TTC4: variants seen among roughly 807,000 people sequenced by gnomAD.
The protein encoded by TTC4 is tetratricopeptide repeat domain 4, also known as hsp70/Hsp90 co-chaperone CNS1 homolog.
Under a neutral mutation model 51.9 loss-of-function variants are expected in TTC4, and 36 were observed. That is an observed-to-expected ratio of 0.69 (90% CI 0.53 to 0.92). TTC4 has a LOEUF of 0.92. TTC4 is among the 40% of genes least tolerant of loss of function. The pLI is 0.00. For synonymous variants in TTC4, 144 were observed against 164.2 expected, an observed-to-expected ratio of 0.88 and a Z score of 0.94; for missense variants, 399 against 454.6, an observed-to-expected ratio of 0.88 and a Z score of 1.11.
chr1:54,740,521 G>A (rs1231764034), intron 9 of TTC4, among the ~76,000 whole-genome samples: 1 of 152,170 alleles, frequency 6.6e-6, no homozygotes, highest in Non-Finnish European at 1.5e-5. Flanking sequence ...CTACCCCAGA[G>A]GAGAAATCTA....
At chr1:54,725,452 CTA>C (rs1259285172) in intron 5 of TTC4, among the ~76,000 whole-genome samples, 1 of 152,150 alleles carries the variant, frequency 6.6e-6, no homozygotes, top group Non-Finnish European at 1.5e-5. Flanking sequence ...GTGCCCAGGG[CTA>C]TACATGTGCT....
chr1:54,727,493 C>T (rs1381180071), intron 5 of TTC4, among the ~76,000 whole-genome samples: 1 of 151,732 alleles, frequency 6.6e-6, no homozygotes, highest in African/African-American at 2.4e-5. Context: ...TGCACTTCAT[C>T]AAAAGTAAAA....
chr1:54,739,249 C>T (rs944307859), intron 9 of TTC4, among the ~76,000 whole-genome samples: 1 of 152,002 alleles, frequency 6.6e-6, no homozygotes, highest in African/African-American at 2.4e-5. Flanking sequence ...TGGGTTCAAG[C>T]AGTCCTCCTG....
chr1:54,731,779 T>C (rs1414266806), intron 7 of TTC4, 79 bp downstream of exon 7: 2 of 1,413,514 alleles, frequency 1.4e-6, no homozygotes, highest in Non-Finnish European at 1.9e-6. Context: ...GAGTGGATTT[T>C]TGGTTGAGAA....
intron 8 of TTC4, among the ~76,000 whole-genome samples, chr1:54,736,270 G>A (rs1185501885): frequency 0.043 from 4,839 of 113,506 alleles, 638 homozygotes; most frequent in African/African-American, 0.11. Context: ...GAGAGAGAGA[G>A]ACCATGAAGT....
At chr1:54,716,558 T>C (rs1440606663) in intron 1 of TTC4, 42 bp from the exon 2 acceptor site, 1 of 1,508,710 alleles carries the variant, frequency 6.6e-7, no homozygotes, top group Non-Finnish European at 9.1e-7. Flanking sequence ...ATCTGCTCAG[T>C]AGAAAAGCTT....
At chr1:54,732,458 A>G (rs1425969531) in intron 7 of TTC4, among the ~76,000 whole-genome samples, 1 of 148,880 alleles carries the variant, frequency 6.7e-6, no homozygotes, top group Non-Finnish European at 1.5e-5. Context: ...GTTTTTTTGT[A>G]ATTTTTTTTT....
intron 3 of TTC4, among the ~76,000 whole-genome samples, chr1:54,718,747 G>T (rs1645706387): frequency 6.6e-6 from 1 of 152,006 alleles, no homozygotes; most frequent in Non-Finnish European, 1.5e-5. Context: ...AGTATTGCTG[G>T]TGACTAGTCT....
Position 54,736,175 on chromosome 1 carries a change from GGAGAGAGAGAGAGAGAGAGA to G in TTC4, c.979-1378_979-1359del, listed in dbSNP as rs11292044. Among the ~76,000 whole-genome samples the G allele has an allele frequency of 2.7e-3, 275 of 100,722 alleles. 7 individuals are homozygous for G. Among genetic ancestry groups the G allele is most frequent in the East Asian group, 0.013 (49 of 3,804 alleles). 66.1% of individuals were successfully genotyped at this position (100,722 alleles called of 152,430 possible). On this transcript the variant is annotated intron_variant, in intron 8 of 9. Coordinates refer to ENST00000371281, the MANE Select transcript of TTC4 (RefSeq NM_004623.5). ...GGAGAAAGAGAGAGAAAGAAAGAAAGGAGAGAGAGAGAGAGAGAGAGAGAGAGAGAGAGAGAGAGAGAGAG... is the reference window on the plus strand; with the variant it reads ...GGAGAAAGAGAGAGAAAGAAAGAAAGGAGAGAGAGAGAGAGAGAGAGAGAG...
At chr1:54,737,480 A>C in intron 8 of TTC4, 102 bp from the exon 9 acceptor site, 3 of 1,015,554 alleles carry the variant, frequency 3.0e-6, no homozygotes, top group African/African-American at 3.2e-5. Flanking sequence ...GAGGCATTCA[A>C]CTACTAACCG....
In TTC4 at chr1:54,715,904, C is replaced by T. The variant is rs764475940; in HGVS notation, c.-5C>T. 6.3e-7 allele frequency: 1 copy of T among 1,599,648 alleles called. No individual in the cohort carries two copies. Among genetic ancestry groups the T allele is most frequent in the South Asian group, 1.1e-5 (1 of 88,946 alleles). ...GGACCCGGGCTGGAAGGCAGGGCAT[C>T]AGCTATGGAACAACCTGGGCAGGAT... On this transcript the variant is annotated 5_prime_UTR_variant, in exon 1 of 10. Transcript: ENST00000371281.
chr1:54,723,723 G>C (rs1379714490), intron 5 of TTC4, among the ~76,000 whole-genome samples: 1 of 152,192 alleles, frequency 6.6e-6, no homozygotes, highest in Non-Finnish European at 1.5e-5. Flanking sequence ...AGTTTAGATG[G>C]TTTAACGTAA....
chr1:54,720,838 C>T (rs1645734547), intron 3 of TTC4, among the ~76,000 whole-genome samples: 1 of 152,034 alleles, frequency 6.6e-6, no homozygotes, highest in South Asian at 2.1e-4. Flanking sequence ...TTCTAATTTA[C>T]CCTGAGAGTA....
chr1:54,741,026 TCTCC>T (rs1448054359), intron 9 of TTC4, among the ~76,000 whole-genome samples: 3 of 152,140 alleles, frequency 2.0e-5, no homozygotes, highest in African/African-American at 7.2e-5. Flanking sequence ...TGGTTCCTCA[TCTCC>T]CTCCCCTCCA....
intron 5 of TTC4, among the ~76,000 whole-genome samples, chr1:54,724,403 C>A (rs1212244623): frequency 6.6e-6 from 1 of 151,712 alleles, no homozygotes; most frequent in Non-Finnish European, 1.5e-5. Flanking sequence ...GTAGCTGGAA[C>A]TACAGGCGTG....
chr1:54,737,652 T>C lies in TTC4; in HGVS notation c.1049T>C (p.Leu350Pro). ...GCCAAGAGCACCTTGCTACAGGTTC[T>C]ACAGCACCAGAGGTGAGTCATCTCA... ...VPAKSTLLQV[L>P]QHQRYFVKAL... Residue 350 changes from leucine (L) to proline (P), a missense_variant, in exon 9 of 10, where the codon CTA becomes CCA. Around this residue, in one of 3 missense-constraint regions of TTC4, gnomAD observed 64 missense variants for 61.3 expected, o/e 1.04. Transcript: ENST00000371281. The C allele has an allele frequency of 7.4e-6, 12 of 1,612,756 alleles. No individual in the cohort carries two copies. The highest frequency in any genetic ancestry group is 1.0e-5 in the Non-Finnish European group (12 of 1,179,990).
intron 9 of TTC4, 34 bp from the exon 10 acceptor site, chr1:54,741,377 A>G: frequency 6.4e-7 from 1 of 1,559,228 alleles, no homozygotes; most frequent in East Asian, 2.2e-5. Flanking sequence ...TTGTAATTAA[A>G]TTAACACCCT....
chr1:54,716,164 C>A, intron 1 of TTC4, 145 bp downstream of exon 1: 1 of 709,764 alleles, frequency 1.4e-6, no homozygotes, highest in Non-Finnish European at 2.4e-6. Flanking sequence ...GAAAATCGGC[C>A]TCGAGGTTTT....
At chr1:54,740,690 G>A (rs764834130) in intron 9 of TTC4, among the ~76,000 whole-genome samples, 3 of 152,136 alleles carry the variant, frequency 2.0e-5, no homozygotes, top group Non-Finnish European at 4.4e-5. Flanking sequence ...GTGGAGCCAC[G>A]AAATAGGCCC....
Sources: allele counts gnomAD v4.1 joint callset (sites outside exome capture counted in the v4.1 genomes callset), GRCh38; gene constraint gnomAD v4.1.1; regional missense constraint gnomAD v4.1.1; transcripts MANE v1.5; gene names NCBI Gene and HGNC (gene_info 2026-07-23, HGNC 2026-07-21).